ELP4: variants seen among roughly 807,000 people sequenced by gnomAD.
ELP4 encodes elongator complex protein 4.
In ELP4, 51 loss-of-function variants were observed where a neutral mutation model predicts 48.9. The observed-to-expected ratio is 1.04, with a 90% CI of 0.83 to 1.32. ELP4 has a LOEUF of 1.32. ELP4 is among the 40% of genes most tolerant of loss of function. The pLI is 0.00. For synonymous variants in ELP4, 210 were observed against 189.2 expected, an observed-to-expected ratio of 1.11 and a Z score of -0.90; for missense variants, 519 against 514.6, an observed-to-expected ratio of 1.01 and a Z score of -0.08.
chr11:31,598,503 CTTTTTTTTTTTT>C (rs10702222), intron 4 of ELP4, among the ~76,000 whole-genome samples: 1 of 77,740 alleles, frequency 1.3e-5, no homozygotes, highest in Non-Finnish European at 2.2e-5. Flanking sequence ...TTTTCTTCTT[CTTTTTTTTTTTT>C]TTTTTTTTTT....
intron 9 of ELP4, among the ~76,000 whole-genome samples, chr11:31,738,731 A>G (rs914621558): frequency 2.0e-5 from 3 of 151,798 alleles, no homozygotes; most frequent in African/African-American, 7.3e-5. Context: ...ACAGAGTGAG[A>G]CCTTGTCTCA....
intron 4 of ELP4, chr11:31,600,043 T>A (rs116382274): frequency 7.2e-4 from 109 of 152,314 alleles, no homozygotes; most frequent in African/African-American, 2.5e-3. Context: ...TTATCATAGA[T>A]GCCTTTTAAA....
At chr11:31,666,472 T>TC (rs896038078) in intron 9 of ELP4, among the ~76,000 whole-genome samples, 2 of 152,042 alleles carry the variant, frequency 1.3e-5, no homozygotes, top group African/African-American at 4.8e-5. Flanking sequence ...GGTGGGTGGA[T>TC]CATGAGGTCA....
At chr11:31,598,416 C>A (rs76742762) in intron 4 of ELP4, among the ~76,000 whole-genome samples, 1 of 151,482 alleles carries the variant, frequency 6.6e-6, no homozygotes, top group African/African-American at 2.4e-5. Context: ...TCTGGTGTAC[C>A]TGCCATTGGC....
chr11:31,661,702 A>C (rs1424086864), intron 9 of ELP4, among the ~76,000 whole-genome samples: 1 of 151,992 alleles, frequency 6.6e-6, no homozygotes, highest in Non-Finnish European at 1.5e-5. Context: ...GATTATACGG[A>C]ATAGTTTGAT....
Position 31,679,405 on chromosome 11 carries a change from A to G in ELP4, c.1143+29184A>G, listed in dbSNP as rs1402989644. Among the ~76,000 whole-genome samples, 7 of 152,318 alleles carry G rather than the reference A, an allele frequency of 4.6e-5. No individual in the cohort carries two copies. The East Asian group carries it at 1.4e-3, about 29-fold the overall frequency. ...TAAACAATAGAAATTTTATTTTCTT[A>G]CAGTTCTGGAGGTCAGAAGTCTAAA... On this transcript the variant is annotated intron_variant, in intron 9 of 9. Transcript: ENST00000640961.
chr11:31,636,414 T>G (rs908051192), intron 7 of ELP4, among the ~76,000 whole-genome samples: 1 of 151,972 alleles, frequency 6.6e-6, no homozygotes, highest in South Asian at 2.1e-4. Flanking sequence ...GTATAAAATA[T>G]CCTTATTTCT....
rs904868690 is a variant in ELP4, at chr11:31,571,088, G to A, written c.382-23682G>A. ...GCTGGGATTTCAGGCGTAAGCCACC[G>A]TGCCCAGCCCATGCAGTATACCTTT... On this transcript the variant is annotated intron_variant, in intron 3 of 9. Coordinates refer to ENST00000640961, the MANE Select transcript of ELP4 (RefSeq NM_019040.5). Among the ~76,000 whole-genome samples the A allele has an allele frequency of 7.2e-5, 11 of 152,174 alleles. No individual in the cohort carries two copies. The Middle Eastern group carries it at 0.01, about 141-fold the overall frequency.
At chr11:31,560,443 A>G (rs2133940900) in intron 3 of ELP4, among the ~76,000 whole-genome samples, 1 of 152,004 alleles carries the variant, frequency 6.6e-6, no homozygotes, top group South Asian at 2.1e-4. Context: ...TTGCAGACAT[A>G]GAATCTTTCT....
At chr11:31,631,759 T>A (rs1196327732) in intron 6 of ELP4, among the ~76,000 whole-genome samples, 2 of 151,922 alleles carry the variant, frequency 1.3e-5, no homozygotes, top group Non-Finnish European at 2.9e-5. Flanking sequence ...GTCATATATC[T>A]TTAAGCTTTT....
Position 31,788,450 on chromosome 11 carries a change from GGGGA to G in ELP4, c.*4932_*4935del, listed in dbSNP as rs1948837075. The G allele has an allele frequency of 8.9e-6, 2 of 223,616 alleles. No individual in the cohort carries two copies. The highest frequency in any genetic ancestry group is 5.7e-5 in the Admixed American group (1 of 17,428). 13.9% of individuals were successfully genotyped at this position (223,616 alleles called of 1,614,324 possible). A position where few individuals can be genotyped will look rare whatever the true frequency, so the allele number is the denominator to read the frequency against. On this transcript the variant is annotated 3_prime_UTR_variant, in exon 10 of 10. Transcript: ENST00000640961. ...TGGGAAATGATGCCTCTTGTGCAAA[GGGGA>G]GGGAGACAGAAAAGGGAGAGGGCCT...
At chr11:31,724,405 A>G (rs1947031030) in intron 9 of ELP4, among the ~76,000 whole-genome samples, 3 of 152,224 alleles carry the variant, frequency 2.0e-5, no homozygotes, top group Admixed American at 1.3e-4. Flanking sequence ...TTTTAATTGA[A>G]ATGCTGTTAT....
At chr11:31,591,836 TTAAGAA>T (rs567874300) in intron 3 of ELP4, among the ~76,000 whole-genome samples, 304 of 152,254 alleles carry the variant, frequency 2.0e-3, no homozygotes, top group African/African-American at 7.0e-3. Flanking sequence ...TCATAATAAC[TTAAGAA>T]TAGAAATGAT....
intron 9 of ELP4, among the ~76,000 whole-genome samples, chr11:31,675,365 A>G (rs1945900667): frequency 6.6e-6 from 1 of 151,990 alleles, no homozygotes; most frequent in Non-Finnish European, 1.5e-5. Context: ...CCCAGGTTCA[A>G]GCAATTCTCC....
At chr11:31,770,530 A>C (rs1355198457) in intron 9 of ELP4, among the ~76,000 whole-genome samples, 2 of 149,564 alleles carry the variant, frequency 1.3e-5, no homozygotes, top group Non-Finnish European at 3.0e-5. Context: ...TTTCAGTTCT[A>C]CTCATGTTGG....
chr11:31,788,205 A>G lies in ELP4; in HGVS notation c.*4681A>G, dbSNP rs747672883. On this transcript the variant is annotated 3_prime_UTR_variant, in exon 10 of 10. Coordinates refer to ENST00000640961, the MANE Select transcript of ELP4 (RefSeq NM_019040.5). ...GCTTCATTGCAAATAACAACTGACC[A>G]ACAATGGGCCCTGCTTCATAGATTT... 2 of 226,830 alleles carry G rather than the reference A, an allele frequency of 8.8e-6. No homozygotes were observed. The highest frequency in any genetic ancestry group is 1.8e-5 in the Non-Finnish European group (2 of 114,028). The allele number at this position is 226,830 out of a possible 1,614,324, so 14.1% of individuals were successfully genotyped here. A position where few individuals can be genotyped will look rare whatever the true frequency, so the allele number is the denominator to read the frequency against.
At chr11:31,530,516 TTACAAA>T (rs1292094129) in intron 2 of ELP4, among the ~76,000 whole-genome samples, 1 of 151,920 alleles carries the variant, frequency 6.6e-6, no homozygotes, top group Non-Finnish European at 1.5e-5. Flanking sequence ...AGGTAAGGAT[TTACAAA>T]TATCCAACAA....
intron 2 of ELP4, among the ~76,000 whole-genome samples, chr11:31,534,213 A>G (rs1304863258): frequency 6.6e-6 from 1 of 151,936 alleles, no homozygotes; most frequent in Non-Finnish European, 1.5e-5. Context: ...AAATACTTTG[A>G]TACTTTGCTA....
rs547625190 is a variant in ELP4 at position 31,529,111 on chromosome 11, G to A, written c.259+9020G>A. 3.4e-5 allele frequency among the ~76,000 whole-genome samples: 5 copies of A among 146,340 alleles called. No individual in the cohort carries two copies. The South Asian group carries it at 1.1e-3, about 33-fold the overall frequency. On this transcript the variant is annotated intron_variant, in intron 2 of 9. Coordinates refer to ENST00000640961, the MANE Select transcript of ELP4 (RefSeq NM_019040.5). ...CCAGCCTGCGTGAGAGTGAGACTCC[G>A]TCTGAAAAAAAAAAAAAAAGTTATT...
Sources: gnomAD v4.1 joint callset for allele counts (sites outside exome capture counted in the v4.1 genomes callset) on GRCh38, gnomAD v4.1.1 for gene constraint, MANE v1.5 for transcripts, NCBI Gene and HGNC (gene_info 2026-07-23, HGNC 2026-07-21) for gene names.